Variants in NISCH observed in about 807,000 individuals in gnomAD.
NISCH encodes I-1 receptor candidate protein.
A neutral mutation model predicts 138.4 loss-of-function variants in NISCH; 55 were observed. The ratio of observed to expected loss-of-function variants is 0.40; its 90% CI spans 0.32 to 0.50. The LOEUF is 0.50. Among genes scored for constraint, NISCH ranks in the 20% least tolerant of loss-of-function variants. NISCH has a pLI of 0.71. For missense variants in NISCH, 1,643 were observed against 2,005.5 expected, an observed-to-expected ratio of 0.82 and a Z score of 3.45; for synonymous variants, 860 against 861.5, an observed-to-expected ratio of 1.00 and a Z score of 0.03.
At chr3:52,459,932 G>GAGTGAGAGTAAGACTTCAT in intron 3 of NISCH, among the ~76,000 whole-genome samples, 1 of 149,860 alleles carries the variant, frequency 6.7e-6, no homozygotes, top group African/African-American at 2.5e-5. Flanking sequence ...TGTAATCCCA[G>GAGTGAGAGTAAGACTTCAT]CACTTTGAGA....
chr3:52,474,290 TTTGTTGTTG>T (rs778590888), intron 7 of NISCH, among the ~76,000 whole-genome samples: 1 of 151,726 alleles, frequency 6.6e-6, no homozygotes, highest in Non-Finnish European at 1.5e-5. Flanking sequence ...AGTTTTGTTT[TTTGTTGTTG>T]TTGTTGTTGT....
At chr3:52,486,679 A>G (rs1411727667) in intron 15 of NISCH, 1 of 154,388 alleles carries the variant, frequency 6.5e-6, no homozygotes, top group East Asian at 1.9e-4. Context: ...AAATCCCAAA[A>G]TGTGTACTCT....
chr3:52,472,189 C>T, intron 5 of NISCH, 114 bp from the exon 6 acceptor site: 4 of 1,109,502 alleles, frequency 3.6e-6, no homozygotes, highest in Admixed American at 3.7e-5. Context: ...TGGCCTGAGC[C>T]TGCTTTGTTG....
At chr3:52,473,947 G>T (rs112450566) in intron 7 of NISCH, 118 bp downstream of exon 7, 396 of 577,108 alleles carry the variant, frequency 6.9e-4, no homozygotes, top group Middle Eastern at 4.3e-3. Flanking sequence ...TCAGAGGCTG[G>T]ACCTTCTGTG....
chr3:52,472,383 C>T lies in NISCH; in HGVS notation c.654C>T (p.Ser218=), dbSNP rs777743114. The part of the protein sequence containing the change: ...LLPFDLSIFK[S]LHQVEISHCD... ...CGTTCGACCTATCAATATTCAAGTC[C>T]CTGCATCAGGTGGAGGTAAGGCCCA... Residue 218 remains serine, a synonymous_variant, in exon 6 of 21, where the codon TCC becomes TCT. Transcript: ENST00000345716. 1.2e-6 allele frequency: 2 copies of T among 1,614,098 alleles called. No individual in the cohort carries two copies. The highest frequency in any genetic ancestry group is 1.1e-5 in the South Asian group (1 of 91,080).
chr3:52,471,282 T>G, intron 4 of NISCH: 1 of 303,966 alleles, frequency 3.3e-6, no homozygotes. Flanking sequence ...TCTTACTGCC[T>G]TCCCCCAGGA....
At chr3:52,481,953 A>G in intron 13 of NISCH, 2 of 982,030 alleles carry the variant, frequency 2.0e-6, no homozygotes, top group Non-Finnish European at 2.4e-6. Context: ...AACAGCAAAG[A>G]TCGGACCCCT....
intron 1 of NISCH, among the ~76,000 whole-genome samples, chr3:52,456,551 T>G (rs1370654810): frequency 6.6e-6 from 1 of 152,188 alleles, no homozygotes; most frequent in Non-Finnish European, 1.5e-5. Context: ...GGACTAGGCA[T>G]AGAGCACCTC....
chr3:52,489,989 T>C, intron 17 of NISCH, 86 bp from the exon 18 acceptor site: 5 of 1,542,392 alleles, frequency 3.2e-6, no homozygotes, highest in Non-Finnish European at 4.4e-6. Flanking sequence ...GGGCTTCCCA[T>C]GTCTCCTTGT....
At chr3:52,460,544 G>A (rs1706604677) in intron 3 of NISCH, among the ~76,000 whole-genome samples, 1 of 151,976 alleles carries the variant, frequency 6.6e-6, no homozygotes, top group African/African-American at 2.4e-5. Context: ...TGGAACTACA[G>A]GTGCATGCCA....
At chr3:52,473,684 C>G (rs1335250371) in intron 6 of NISCH, 50 bp from the exon 7 acceptor site, 1 of 1,372,850 alleles carries the variant, frequency 7.3e-7, no homozygotes, top group South Asian at 1.2e-5. Flanking sequence ...CTGGGGACTT[C>G]TGACGGAGCA....
intron 3 of NISCH, among the ~76,000 whole-genome samples, chr3:52,461,120 G>GT (rs1261737274): frequency 6.6e-6 from 1 of 152,152 alleles, no homozygotes; most frequent in Admixed American, 6.5e-5. Context: ...CATGCCTGTA[G>GT]TCCCAGCTAC....
intron 3 of NISCH, among the ~76,000 whole-genome samples, chr3:52,463,400 T>C (rs1706689756): frequency 6.6e-6 from 1 of 152,258 alleles, no homozygotes; most frequent in South Asian, 2.1e-4. Context: ...TTGCAAATGA[T>C]GCTGCTATGA....
At chr3:52,463,373 G>T (rs1251029406) in intron 3 of NISCH, among the ~76,000 whole-genome samples, 3 of 152,160 alleles carry the variant, frequency 2.0e-5, no homozygotes, top group Non-Finnish European at 1.5e-5. Context: ...TGTTAGGTTT[G>T]TTTCCATTTT....
intron 3 of NISCH, among the ~76,000 whole-genome samples, chr3:52,468,890 G>T (rs1357421635): frequency 6.6e-6 from 1 of 151,976 alleles, no homozygotes; most frequent in East Asian, 1.9e-4. Context: ...AGAGGCCCAA[G>T]AAGTCATGAA....
rs1235253703 is a variant in NISCH at position 52,478,243 on chromosome 3, A to T, written c.1134A>T (p.Ser378=). Residue 378 remains serine (S), a synonymous_variant, in exon 10 of 21, where the codon TCA becomes TCT. Transcript: ENST00000345716. ...ESLSGLHKLY[S]LVNLDLRDNR... is the part of the protein sequence containing the mutation. ...TGAGTGGCCTGCACAAGCTCTACTC[A>T]CTGGTCAACCTGGATCTCCGGGACA... 1 of 1,614,036 alleles carries T rather than the reference A, an allele frequency of 6.2e-7. No individual in the cohort carries two copies. The highest frequency in any genetic ancestry group is 1.7e-5 in the Admixed American group (1 of 60,010).
intron 3 of NISCH, among the ~76,000 whole-genome samples, chr3:52,465,467 A>G (rs924138832): frequency 1.3e-4 from 20 of 152,094 alleles, no homozygotes; most frequent in Admixed American, 1.3e-4. Flanking sequence ...AGAAAGCACT[A>G]CTTGTTTACC....
At position 52,471,793 on chromosome 3, in the gene NISCH, T is replaced by C. The variant is rs763155362; in HGVS notation, c.410-21T>C. ...TGGGGCTGCGGCTGGACACTTATCC[T>C]TCAGGGCATGGCTCTTGCAGGAGAA... On this transcript the variant is annotated intron_variant, in intron 4 of 20. Coordinates refer to ENST00000345716, the MANE Select transcript of NISCH (RefSeq NM_007184.4). 1.2e-5 allele frequency: 20 copies of C among 1,613,772 alleles called. No individual in the cohort carries two copies. The South Asian group carries it at 2.0e-4, about 16-fold the overall frequency.
At position 52,476,578 on chromosome 3, in the gene NISCH, C is replaced by G; in HGVS notation, c.897C>G (p.Val299=). ...CGCTTGACCTGAGCCACAACAGCGT[C>G]TCCGAGATCGACGAGTCTGTGGTAT... ...LTTLDLSHNS[V]SEIDESVKLI... The change falls in exon 8 of 21, where the codon GTC becomes GTG. Residue 299 remains valine, a synonymous_variant. Coordinates refer to ENST00000345716, the MANE Select transcript of NISCH (RefSeq NM_007184.4). 6.2e-7 allele frequency: 1 copy of G among 1,614,214 alleles called. No homozygotes were observed. Among genetic ancestry groups the G allele is most frequent in the Non-Finnish European group, 8.5e-7 (1 of 1,180,034 alleles).
Sources: gnomAD v4.1 joint callset for allele counts (sites outside exome capture counted in the v4.1 genomes callset) on GRCh38, gnomAD v4.1.1 for gene constraint, MANE v1.5 for transcripts, NCBI Gene and HGNC (gene_info 2026-07-23, HGNC 2026-07-21) for gene names.